UMAD1: variants seen among roughly 807,000 people sequenced by gnomAD.
UMAD1 encodes UBAP1-MVB12-associated (UMA)-domain containing protein 1.
UMAD1 carries 8 observed loss-of-function variants against 6.1 expected under a neutral mutation model. That is an observed-to-expected ratio of 1.30 (90% CI 0.76 to 2.35). The LOEUF (loss-of-function observed/expected upper bound fraction) is 2.35. Among genes scored for constraint, UMAD1 ranks in the 30% most tolerant of loss-of-function variants. UMAD1 has a pLI of 0.00. For missense variants in UMAD1, 130 were observed against 78.4 expected (o/e 1.66, Z -2.49); for synonymous variants, 56 against 31.4 (o/e 1.78, Z -2.61).
At chr7:7,778,292 G>GAGAGAGAC (rs1782267594) in intron 2 of UMAD1, among the ~76,000 whole-genome samples, 1 of 151,168 alleles carries the variant, frequency 6.6e-6, no homozygotes, top group Non-Finnish European at 1.5e-5. Context: ...GAGAGAGAGA[G>GAGAGAGAC]AGAGACAGAG....
chr7:7,685,732 T>A (rs1210521086), intron 2 of UMAD1: 1 of 152,224 alleles, frequency 6.6e-6, no homozygotes, highest in Non-Finnish European at 1.5e-5. Flanking sequence ...TCCGTACTAT[T>A]CTAAAGCTTT....
At chr7:7,807,334 T>A (rs1446756423) in intron 3 of UMAD1, among the ~76,000 whole-genome samples, 1 of 152,118 alleles carries the variant, frequency 6.6e-6, no homozygotes, top group East Asian at 1.9e-4. Flanking sequence ...GAAATGAAAT[T>A]CTTCATTAAG....
At chr7:7,754,995 G>A (rs773273188) in intron 2 of UMAD1, among the ~76,000 whole-genome samples, 19 of 152,040 alleles carry the variant, frequency 1.2e-4, no homozygotes, top group Non-Finnish European at 2.6e-4. Context: ...TACAGCTGCT[G>A]GGGTGATTCT....
intron 3 of UMAD1, among the ~76,000 whole-genome samples, chr7:7,845,227 G>C (rs1783761247): frequency 6.6e-6 from 1 of 151,608 alleles, no homozygotes. Context: ...AGATATATTG[G>C]GTTAAATAAA....
intron 1 of UMAD1, among the ~76,000 whole-genome samples, chr7:7,658,714 A>G (rs916828627): frequency 3.9e-5 from 6 of 152,204 alleles, no homozygotes; most frequent in African/African-American, 7.2e-5. Context: ...TCAGTTTGCC[A>G]GTATCTTATT....
chr7:7,670,313 T>C (rs1287302327), intron 1 of UMAD1, among the ~76,000 whole-genome samples: 2 of 152,194 alleles, frequency 1.3e-5, no homozygotes, highest in African/African-American at 4.8e-5. Flanking sequence ...AAGACTGTTA[T>C]TCATATGTTA....
At chr7:7,796,217 G>GTACTTT (rs1369404042) in intron 2 of UMAD1, among the ~76,000 whole-genome samples, 1 of 138,596 alleles carries the variant, frequency 7.2e-6, no homozygotes, top group Non-Finnish European at 1.5e-5. Context: ...TCTTCTGGCT[G>GTACTTT]TACTTTGACC....
At chr7:7,652,655 A>G (rs1191309271) in intron 1 of UMAD1, among the ~76,000 whole-genome samples, 5 of 152,174 alleles carry the variant, frequency 3.3e-5, no homozygotes, top group Non-Finnish European at 5.9e-5. Flanking sequence ...GGAGAAAGTG[A>G]CTTGTCTAAT....
chr7:7,769,724 T>C (rs1782065722), intron 2 of UMAD1, among the ~76,000 whole-genome samples: 2 of 152,172 alleles, frequency 1.3e-5, no homozygotes, highest in African/African-American at 4.8e-5. Context: ...GTCCTGATAG[T>C]GTGGCATGTT....
At chr7:7,756,886 T>C (rs1480028051) in intron 2 of UMAD1, among the ~76,000 whole-genome samples, 3 of 152,198 alleles carry the variant, frequency 2.0e-5, no homozygotes, top group Non-Finnish European at 2.9e-5. Flanking sequence ...GACCTCAGGC[T>C]TTGATGTTGC....
chr7:7,695,585 C>T (rs904022748), intron 2 of UMAD1, among the ~76,000 whole-genome samples: 1 of 152,156 alleles, frequency 6.6e-6, no homozygotes, highest in African/African-American at 2.4e-5. Context: ...TTGGCACTAG[C>T]AGCCGTAACA....
At position 7,793,479 on chromosome 7, in the gene UMAD1, A is replaced by G. The variant is rs138907134; in HGVS notation, c.83-8191A>G. On this transcript the variant is annotated intron_variant, in intron 2 of 3. Transcript: ENST00000682710. The stretch of plus-strand genomic sequence containing the variant: ...TCCCAGAGGGTATTTGCATTTTAAA[A>G]GCGAGCTCATTAACCCTAATGAATC... Among the ~76,000 whole-genome samples the G allele has an allele frequency of 3.3e-3, 506 of 152,350 alleles. 5 individuals carry two copies. The highest frequency in any genetic ancestry group is 5.8e-3 in the Non-Finnish European group (393 of 68,028).
At chr7:7,807,229 G>T (rs1018132577) in intron 3 of UMAD1, among the ~76,000 whole-genome samples, 11 of 152,056 alleles carry the variant, frequency 7.2e-5, no homozygotes, top group African/African-American at 2.7e-4. Context: ...TTGTCTGGGG[G>T]AGTCAAAAAA....
intron 2 of UMAD1, among the ~76,000 whole-genome samples, chr7:7,778,161 G>T (rs1429264734): frequency 6.6e-6 from 1 of 151,610 alleles, no homozygotes; most frequent in Non-Finnish European, 1.5e-5. Flanking sequence ...ATGACAAATA[G>T]GTGGAGTATG....
At chr7:7,668,184 A>G (rs1169183071) in intron 1 of UMAD1, among the ~76,000 whole-genome samples, 1 of 152,074 alleles carries the variant, frequency 6.6e-6, no homozygotes, top group Non-Finnish European at 1.5e-5. Context: ...AAGTGCTGGG[A>G]TTACAGGTGT....
At chr7:7,871,957 G>A (rs998934805) in intron 3 of UMAD1, among the ~76,000 whole-genome samples, 1 of 151,990 alleles carries the variant, frequency 6.6e-6, no homozygotes, top group African/African-American at 2.4e-5. Context: ...TCAGCTGCTG[G>A]GGAGTCCTTG....
At chr7:7,874,293 C>G (rs1352406485) in intron 3 of UMAD1, among the ~76,000 whole-genome samples, 2 of 152,226 alleles carry the variant, frequency 1.3e-5, no homozygotes, top group Non-Finnish European at 2.9e-5. Flanking sequence ...TCATTCCCAG[C>G]TATCTTCCCA....
At chr7:7,864,602 TACACACACACACACACACACAC>T (rs59036228) in intron 3 of UMAD1, among the ~76,000 whole-genome samples, 7 of 140,160 alleles carry the variant, frequency 5.0e-5, no homozygotes, top group Admixed American at 7.0e-5. Flanking sequence ...ACATGAAAAC[TACACACACACACACACACACAC>T]ACACACACAC....
At chr7:7,782,895 A>T (rs1782377284) in intron 2 of UMAD1, among the ~76,000 whole-genome samples, 1 of 151,470 alleles carries the variant, frequency 6.6e-6, no homozygotes, top group Non-Finnish European at 1.5e-5. Flanking sequence ...ACACCCAGCT[A>T]ATATTTTTTG....
Sources: allele counts gnomAD v4.1 joint callset (sites outside exome capture counted in the v4.1 genomes callset), GRCh38; gene constraint gnomAD v4.1.1; transcripts MANE v1.5; gene names NCBI Gene and HGNC (gene_info 2026-07-23, HGNC 2026-07-21).